CCHCR1: variants seen among roughly 807,000 people sequenced by gnomAD.
The protein encoded by CCHCR1 is HCR (a-helix coiled-coil rod homologue).
Under a neutral mutation model 114.6 loss-of-function variants are expected in CCHCR1, and 91 were observed. The ratio of observed to expected loss-of-function variants is 0.79; its 90% CI spans 0.67 to 0.94. The LOEUF is 0.94. Among genes scored for constraint, CCHCR1 ranks in the 40% least tolerant of loss-of-function variants. The pLI is 0.00. For synonymous variants in CCHCR1, 379 were observed against 428.5 expected (o/e 0.88, Z 1.43); for missense variants, 899 against 1,079.9 (o/e 0.83, Z 2.35).
chr6:31,143,245 G>A lies in CCHCR1; in HGVS notation c.2319+17C>T, dbSNP rs367873947. ...GATGGGCCCTAGTGTCTGCCTGTCT[G>A]CCCTCCTGTCTCCTACCAGCATGAG... On this transcript the variant is annotated intron_variant, in intron 16 of 17. Transcript: ENST00000396268. The surrounding 1 kb of genome is among the most constrained non-coding windows in gnomAD (Gnocchi z 5.3). The A allele has an allele frequency of 5.0e-6, 8 of 1,612,168 alleles. No homozygotes were observed. The African/African-American group carries it at 9.3e-5, about 19-fold the overall frequency.
chr6:31,145,400 C>T (rs974221994), intron 12 of CCHCR1, 48 bp downstream of exon 12: 6 of 1,613,070 alleles, frequency 3.7e-6, no homozygotes, highest in East Asian at 2.2e-5. Flanking sequence ...GGGGTCCCAG[C>T]AGCCAATGCC....
At chr6:31,146,462 G>A (rs1408244726) in intron 10 of CCHCR1, among the ~76,000 whole-genome samples, 1 of 152,170 alleles carries the variant, frequency 6.6e-6, no homozygotes, top group Non-Finnish European at 1.5e-5. Flanking sequence ...GGACCAACCT[G>A]GCTCATGAAA....
chr6:31,148,639 C>T lies in CCHCR1; in HGVS notation c.1452G>A (p.Glu484=). Reference sequence around the variant, plus strand: ...CAACCTTGGCACCCATACGCTCCACCTCCACCTCTGCGGCTTTGTCCTGCA... The same window carrying T: ...CAACCTTGGCACCCATACGCTCCACTTCCACCTCTGCGGCTTTGTCCTGCA... The part of the protein sequence containing the change: ...RSLQDKAAEV[E]VERMGAKGLQ... Residue 484 remains glutamate, a synonymous_variant, in exon 9 of 18, where the codon GAG becomes GAA. Coordinates refer to ENST00000396268, the MANE Select transcript of CCHCR1 (RefSeq NM_001105564.2). The T allele has an allele frequency of 1.2e-6, 2 of 1,612,696 alleles. No homozygotes were observed. Among genetic ancestry groups the T allele is most frequent in the Non-Finnish European group, 1.7e-6 (2 of 1,179,672 alleles).
At chr6:31,148,367 C>A in intron 10 of CCHCR1, 38 bp downstream of exon 10, 2 of 1,298,794 alleles carry the variant, frequency 1.5e-6, no homozygotes, top group Non-Finnish European at 1.1e-6. Context: ...CCTGAGGTGG[C>A]AGAAACACTA....
intron 10 of CCHCR1, among the ~76,000 whole-genome samples, chr6:31,146,771 C>G (rs995257853): frequency 3.3e-5 from 5 of 152,148 alleles, no homozygotes; most frequent in Non-Finnish European, 7.3e-5. Context: ...GCAAATGCAT[C>G]ATTACACAGA....
In CCHCR1 at chr6:31,154,388, A is replaced by T; in HGVS notation, c.801+108T>A. ...TTTTCACCAAAGGTCTCATCACTCT[A>T]CTACTCACTACTCATGGAGGGTCTT... On this transcript the variant is annotated intron_variant, in intron 4 of 17. Coordinates refer to ENST00000396268, the MANE Select transcript of CCHCR1 (RefSeq NM_001105564.2). This position sits in a 1 kb window ranked among gnomAD's most constrained non-coding sequence, Gnocchi z 4.1. The T allele has an allele frequency of 1.3e-6, 1 of 796,656 alleles. No individual in the cohort carries two copies. The highest frequency in any genetic ancestry group is 2.1e-6 in the Non-Finnish European group (1 of 476,738). The allele number at this position is 796,656 out of a possible 1,614,324, so 49.3% of individuals were successfully genotyped here.
chr6:31,157,129 T>C, intron 1 of CCHCR1, 40 bp from the exon 2 acceptor site: 1 of 1,514,326 alleles, frequency 6.6e-7, no homozygotes, highest in South Asian at 1.1e-5. Flanking sequence ...AATTCAATTT[T>C]CAGGCCACCT....
At chr6:31,142,757 G>C in intron 17 of CCHCR1, 41 bp from the exon 18 acceptor site, 1 of 1,589,448 alleles carries the variant, frequency 6.3e-7, no homozygotes, top group Non-Finnish European at 8.6e-7. Context: ...ACAAGGGAAG[G>C]TGCTCGTGGT....
Position 31,142,484 on chromosome 6 carries a change from G to C in CCHCR1, c.*108C>G. 1 of 961,964 alleles carries C rather than the reference G, an allele frequency of 1.0e-6. No homozygotes were observed. The highest frequency in any genetic ancestry group is 1.6e-6 in the Non-Finnish European group (1 of 641,006). The allele number at this position is 961,964 out of a possible 1,614,324, so 59.6% of individuals were successfully genotyped here. A position where few individuals can be genotyped will look rare whatever the true frequency, so the allele number is the denominator to read the frequency against. On this transcript the variant is annotated 3_prime_UTR_variant, in exon 18 of 18. Coordinates refer to ENST00000396268, the MANE Select transcript of CCHCR1 (RefSeq NM_001105564.2). ...TTTAGAGCAGAATTCAGACTCAGCT[G>C]GTATCCCCCAGGGCAACCCCAGGAT...
intron 4 of CCHCR1, among the ~76,000 whole-genome samples, chr6:31,152,927 G>A (rs1775455491): frequency 6.6e-6 from 1 of 152,108 alleles, no homozygotes; most frequent in Admixed American, 6.6e-5. Flanking sequence ...GTCCCACCAA[G>A]TGTCTTCCAG....
At chr6:31,149,151 CAA>C (rs3064836) in intron 8 of CCHCR1, 34,010 of 120,060 alleles carry the variant, frequency 0.28, 4,482 homozygotes, top group Middle Eastern at 0.39. Flanking sequence ...GACTCCTTCT[CAA>C]AAAAAAAAAA....
rs1775200432 is a variant in CCHCR1, at chr6:31,151,325, A to G, written c.802-203T>C. 6.6e-6 allele frequency among the ~76,000 whole-genome samples: 1 copy of G among 152,046 alleles called. No homozygotes were observed. The highest frequency in any genetic ancestry group is 2.1e-4 in the South Asian group (1 of 4,812). The stretch of plus-strand genomic sequence containing the variant: ...TCTTGTCCGATCTCCCCCAAAACAT[A>G]TCTTCACCTCTCTGTCTCCGTCTCC... On this transcript the variant is annotated intron_variant, in intron 4 of 17. Coordinates refer to ENST00000396268, the MANE Select transcript of CCHCR1 (RefSeq NM_001105564.2). The surrounding 1 kb of genome is among the most constrained non-coding windows in gnomAD (Gnocchi z 4.1).
At chr6:31,155,068 A>C (rs1775793201) in intron 3 of CCHCR1, among the ~76,000 whole-genome samples, 1 of 152,198 alleles carries the variant, frequency 6.6e-6, no homozygotes, top group Non-Finnish European at 1.5e-5. Flanking sequence ...AGAGAGAGCT[A>C]CATACAGGAG....
At chr6:31,156,403 G>A in intron 3 of CCHCR1, 1 of 378,050 alleles carries the variant, frequency 2.6e-6, no homozygotes, top group East Asian at 6.2e-5. Context: ...CTGCCACAGT[G>A]CTGGGTCTCT....
At position 31,143,623 on chromosome 6, in the gene CCHCR1, T is replaced by C. The variant is rs9263740; in HGVS notation, c.2168-210A>G. 0.22 allele frequency among the ~76,000 whole-genome samples: 33,902 copies of C among 152,214 alleles called. 4,058 individuals are homozygous for C. The highest frequency in any genetic ancestry group is 0.3 in the African/African-American group (12,411 of 41,516). ...TGAACCTAAGTATCTTCCTCATCCCTGAACCATCCTGGAGTTCCTCAGGGG... is the reference window on the plus strand; with the variant it reads ...TGAACCTAAGTATCTTCCTCATCCCCGAACCATCCTGGAGTTCCTCAGGGG... On this transcript the variant is annotated intron_variant, in intron 15 of 17. Coordinates refer to ENST00000396268, the MANE Select transcript of CCHCR1 (RefSeq NM_001105564.2). This position sits in a 1 kb window ranked among gnomAD's most constrained non-coding sequence, Gnocchi z 5.3.
intron 8 of CCHCR1, chr6:31,149,298 C>A (rs1265115): frequency 0.35 from 54,177 of 153,322 alleles, 9,854 homozygotes; most frequent in East Asian, 0.54. Context: ...AGCCCTTGAC[C>A]CACCCCACAA....
intron 17 of CCHCR1, 40 bp from the exon 18 acceptor site, chr6:31,142,756 G>A (rs1037407637): frequency 1.3e-5 from 21 of 1,589,188 alleles, no homozygotes; most frequent in Non-Finnish European, 1.7e-5. Context: ...GACAAGGGAA[G>A]GTGCTCGTGG....
Position 31,154,611 on chromosome 6 carries a change from C to T in CCHCR1, c.686G>A (p.Arg229Gln), listed in dbSNP as rs566793779. 22 of 1,613,014 alleles carry T rather than the reference C, an allele frequency of 1.4e-5. 1 individual carries two copies. Among genetic ancestry groups the T allele is most frequent in the Middle Eastern group, 1.6e-4 (1 of 6,062 alleles). ...EALARAEKAG[R>Q]AEAEGLRAAL... ...AGCACGCAGGCCCTCAGCCTCAGCT[C>T]GGCCGGCCTTCTCCGCCCGTGCCAG... Residue 229 changes from arginine to glutamine, a missense_variant, in exon 4 of 18, where the codon CGA becomes CAA. Arg to Gln is a conservative substitution (Grantham distance 43, BLOSUM62 1). Coordinates refer to ENST00000396268, the MANE Select transcript of CCHCR1 (RefSeq NM_001105564.2). The surrounding 1 kb of genome is among the most constrained non-coding windows in gnomAD (Gnocchi z 4.1).
Position 31,151,210 on chromosome 6 carries a change from G to C in CCHCR1, c.802-88C>G. 7.1e-7 allele frequency: 1 copy of C among 1,417,470 alleles called. No individual in the cohort carries two copies. Among genetic ancestry groups the C allele is most frequent in the Non-Finnish European group, 9.5e-7 (1 of 1,048,058 alleles). 87.8% of individuals were successfully genotyped at this position (1,417,470 alleles called of 1,614,324 possible). On this transcript the variant is annotated intron_variant, in intron 4 of 17. Transcript: ENST00000396268. The surrounding 1 kb of genome is among the most constrained non-coding windows in gnomAD (Gnocchi z 4.1). ...TTCACTCCCACTTTCTGTGACCTTA[G>C]AGAATGACCCAACCAATCAGCCAAC...
Sources: allele counts gnomAD v4.1 joint callset (sites outside exome capture counted in the v4.1 genomes callset), GRCh38; gene constraint gnomAD v4.1.1; non-coding constraint Gnocchi (gnomAD v3.1); transcripts MANE v1.5; gene names NCBI Gene and HGNC (gene_info 2026-07-23, HGNC 2026-07-21).